The following MAPK10 variants were observed in gnomAD, a reference collection of about 807,000 sequenced individuals.
MAPK10 encodes mitogen-activated protein kinase 10.
A neutral mutation model predicts 59.3 loss-of-function variants in MAPK10; 25 were observed. That is an observed-to-expected ratio of 0.42 (90% CI 0.31 to 0.59). The LOEUF (loss-of-function observed/expected upper bound fraction) is 0.59, where lower values mean the gene tolerates loss of function less well. Among genes scored for constraint, MAPK10 ranks in the 20% least tolerant of loss-of-function variants. The pLI, the probability that MAPK10 is intolerant of heterozygous loss-of-function variation, is 0.15. For synonymous variants in MAPK10, 190 were observed against 200.5 expected, an observed-to-expected ratio of 0.95 and a Z score of 0.44; for missense variants, 351 against 568.9, an observed-to-expected ratio of 0.62 and a Z score of 3.90.
chr4:86,347,785 A>G (rs1484976797), intron 2 of MAPK10, among the ~76,000 whole-genome samples: 1 of 152,018 alleles, frequency 6.6e-6, no homozygotes, highest in Non-Finnish European at 1.5e-5. Context: ...ACTAATCCCA[A>G]TCACCTCTGT....
chr4:86,282,918 G>A (rs796887960), intron 2 of MAPK10, among the ~76,000 whole-genome samples: 5 of 152,188 alleles, frequency 3.3e-5, no homozygotes, highest in African/African-American at 1.2e-4. Context: ...TTTATATTTT[G>A]ATAAAGACAA....
At chr4:86,124,969 T>G (rs981544465) in intron 4 of MAPK10, 8 of 151,918 alleles carry the variant, frequency 5.3e-5, no homozygotes, top group Admixed American at 2.6e-4. Context: ...GAACACTAAA[T>G]GAAGGGGGGG....
At chr4:86,554,706 CA>C (rs1214569065) in intron 1 of MAPK10, among the ~76,000 whole-genome samples, 1 of 152,192 alleles carries the variant, frequency 6.6e-6, no homozygotes, top group East Asian at 1.9e-4. Context: ...CCATCTTTTA[CA>C]TTCCTAACAT....
At chr4:86,520,264 T>G (rs1757015807) in intron 1 of MAPK10, among the ~76,000 whole-genome samples, 2 of 152,226 alleles carry the variant, frequency 1.3e-5, no homozygotes, top group Admixed American at 1.3e-4. Context: ...TTCTTATGTT[T>G]GGTTGTTTAA....
chr4:86,117,196 C>G (rs911200086), intron 4 of MAPK10, among the ~76,000 whole-genome samples: 3 of 152,200 alleles, frequency 2.0e-5, no homozygotes, highest in African/African-American at 7.2e-5. Flanking sequence ...ATTGCTTGAG[C>G]CCGAGAGTTC....
At chr4:86,481,178 A>G (rs971091257) in intron 1 of MAPK10, among the ~76,000 whole-genome samples, 1 of 152,192 alleles carries the variant, frequency 6.6e-6, no homozygotes, top group African/African-American at 2.4e-5. Context: ...CTGTCTTTGG[A>G]GGAAAGAAGT....
At chr4:86,481,255 G>A (rs1230210486) in intron 1 of MAPK10, among the ~76,000 whole-genome samples, 1 of 152,150 alleles carries the variant, frequency 6.6e-6, no homozygotes, top group African/African-American at 2.4e-5. Context: ...GGGGGAGAAA[G>A]TGAAGTGAGA....
At chr4:86,481,341 C>G (rs1286194113) in intron 1 of MAPK10, among the ~76,000 whole-genome samples, 1 of 151,494 alleles carries the variant, frequency 6.6e-6, no homozygotes, top group East Asian at 1.9e-4. Flanking sequence ...AGGCACCAAT[C>G]AGCATACTAA....
At chr4:86,294,170 C>A (rs1242965925) in intron 2 of MAPK10, among the ~76,000 whole-genome samples, 2 of 152,250 alleles carry the variant, frequency 1.3e-5, no homozygotes, top group East Asian at 3.9e-4. Flanking sequence ...AGGACTGGGC[C>A]CTGGGCTATA....
At chr4:86,228,154 TCTGATAC>T (rs776261431) in intron 2 of MAPK10, among the ~76,000 whole-genome samples, 1 of 152,230 alleles carries the variant, frequency 6.6e-6, no homozygotes, top group Non-Finnish European at 1.5e-5. Flanking sequence ...TCCCTAGTTG[TCTGATAC>T]CTGGTCCTGG....
At chr4:86,135,216 C>A (rs1171294392) in intron 4 of MAPK10, among the ~76,000 whole-genome samples, 2 of 152,242 alleles carry the variant, frequency 1.3e-5, no homozygotes, top group Non-Finnish European at 1.5e-5. Context: ...CCTCTGGAGG[C>A]TCCACCTCTG....
At chr4:86,168,012 T>C (rs2072450393) in intron 3 of MAPK10, among the ~76,000 whole-genome samples, 1 of 152,240 alleles carries the variant, frequency 6.6e-6, no homozygotes, top group Non-Finnish European at 1.5e-5. Context: ...ATTAAGCTGA[T>C]AAGCAACTTC....
At chr4:86,478,345 C>T (rs1033061309) in intron 1 of MAPK10, among the ~76,000 whole-genome samples, 2 of 152,136 alleles carry the variant, frequency 1.3e-5, no homozygotes, top group South Asian at 2.1e-4. Flanking sequence ...GTTGTGCAGT[C>T]GGAATTCTTA....
chr4:86,173,781 C>T (rs2074989588), intron 3 of MAPK10, among the ~76,000 whole-genome samples: 1 of 151,942 alleles, frequency 6.6e-6, no homozygotes, highest in Admixed American at 6.6e-5. Context: ...AACAAATTTA[C>T]AAGGAAAAAA....
At chr4:86,558,408 C>G (rs1242629092) in intron 1 of MAPK10, among the ~76,000 whole-genome samples, 1 of 152,052 alleles carries the variant, frequency 6.6e-6, no homozygotes, top group African/African-American at 2.4e-5. Context: ...TAATTCTCAC[C>G]ACACCCCTCT....
At chr4:86,126,138 A>T (rs2060035157) in intron 4 of MAPK10, among the ~76,000 whole-genome samples, 1 of 152,100 alleles carries the variant, frequency 6.6e-6, no homozygotes. Context: ...CTGATGCAGC[A>T]CTGCCAACTA....
At chr4:86,481,748 T>TCTTAGGCACCTTACAATTTTAAGGTGTA (rs1169831450) in intron 1 of MAPK10, among the ~76,000 whole-genome samples, 4 of 152,186 alleles carry the variant, frequency 2.6e-5, no homozygotes, top group Non-Finnish European at 5.9e-5. Flanking sequence ...CCTAAGAATG[T>TCTTAGGCACCTTACAATTTTAAGGTGTA]AGTTGTCTTA....
At chr4:86,478,429 A>T (rs987000057) in intron 1 of MAPK10, among the ~76,000 whole-genome samples, 14 of 152,276 alleles carry the variant, frequency 9.2e-5, no homozygotes, top group African/African-American at 3.4e-4. Context: ...CTAGCCCTCA[A>T]GTCTGTGTGC....
At chr4:86,032,823 GA>G (rs1183798529) in intron 11 of MAPK10, among the ~76,000 whole-genome samples, 8 of 152,160 alleles carry the variant, frequency 5.3e-5, no homozygotes. Context: ...GCATAATACT[GA>G]AGTATTGAGA....
Sources: gnomAD v4.1 joint callset for allele counts (sites outside exome capture counted in the v4.1 genomes callset) on GRCh38, gnomAD v4.1.1 for gene constraint, MANE v1.5 for transcripts, NCBI Gene and HGNC (gene_info 2026-07-23, HGNC 2026-07-21) for gene names.